GSDMC: variants seen among roughly 807,000 people sequenced by gnomAD.
The protein encoded by GSDMC is gasdermin-C.
Under a neutral mutation model 58.0 loss-of-function variants are expected in GSDMC, and 59 were observed. The ratio of observed to expected loss-of-function variants is 1.02; its 90% CI spans 0.82 to 1.26. The LOEUF (loss-of-function observed/expected upper bound fraction) is 1.26, where lower values mean the gene tolerates loss of function less well. GSDMC is among the 50% of genes most tolerant of loss of function. GSDMC has a pLI of 0.00. For synonymous variants in GSDMC, 241 were observed against 220.2 expected (o/e 1.09, Z -0.83); for missense variants, 659 against 598.5 (o/e 1.10, Z -1.06).
At chr8:129,783,222 G>T (rs2034466079) in intron 1 of GSDMC, among the ~76,000 whole-genome samples, 1 of 151,730 alleles carries the variant, frequency 6.6e-6, no homozygotes, top group Non-Finnish European at 1.5e-5. Flanking sequence ...ATAATAAAAA[G>T]CCATATATTA....
the GSDMC span, among the ~76,000 whole-genome samples, chr8:129,715,858 G>T: frequency 6.6e-6 from 1 of 152,210 alleles, no homozygotes; most frequent in East Asian, 1.9e-4. Flanking sequence ...ATGTAGTACA[G>T]GTTTTATAAT....
chr8:129,741,466 T>A, the GSDMC span, among the ~76,000 whole-genome samples: 20 of 152,312 alleles, frequency 1.3e-4, no homozygotes, highest in Non-Finnish European at 8.8e-5. Flanking sequence ...GTTCTTCCAG[T>A]CCATGAACAT....
At chr8:129,730,677 C>T in the GSDMC span, among the ~76,000 whole-genome samples, 1 of 152,082 alleles carries the variant, frequency 6.6e-6, no homozygotes, top group Admixed American at 6.5e-5. Context: ...CCCAATAAAC[C>T]CATCATAAGT....
In GSDMC at chr8:129,751,803, C is replaced by T. The variant is rs901864623; in HGVS notation, c.916+59G>A. The T allele has an allele frequency of 4.6e-6, 7 of 1,532,218 alleles. No individual in the cohort carries two copies. In the Admixed American group the frequency reaches 8.4e-5, roughly 18 times the overall value. 94.9% of individuals were successfully genotyped at this position (1,532,218 alleles called of 1,614,324 possible). ...GGCGAGGCAGGGGCAATCTGCCCTA[C>T]TTACCCCATGTGTGCAGGATGGGAT... On this transcript the variant is annotated intron_variant, in intron 9 of 13. Coordinates refer to ENST00000276708, the MANE Select transcript of GSDMC (RefSeq NM_031415.3).
At chr8:129,730,824 C>T in the GSDMC span, among the ~76,000 whole-genome samples, 2 of 152,108 alleles carry the variant, frequency 1.3e-5, no homozygotes, top group African/African-American at 4.8e-5. Context: ...TGAAATGGGG[C>T]TACAGGCCGA....
downstream of GSDMC, among the ~76,000 whole-genome samples, chr8:129,744,970 A>G (rs1034580387): frequency 2.6e-5 from 4 of 152,330 alleles, no homozygotes; most frequent in Middle Eastern, 3.4e-3. Context: ...AGACCTAGAG[A>G]GGTCCACTGT....
intron 1 of GSDMC, among the ~76,000 whole-genome samples, chr8:129,782,650 T>C (rs1364689021): frequency 6.6e-6 from 1 of 152,034 alleles, no homozygotes; most frequent in Non-Finnish European, 1.5e-5. Context: ...CCTACCAAGA[T>C]TGAACCTTGA....
Position 129,777,691 on chromosome 8 carries a change from T to C in GSDMC, c.-4-100A>G, listed in dbSNP as rs1017838934. The C allele has an allele frequency of 4.2e-6, 3 of 709,214 alleles. No individual in the cohort carries two copies. In the African/African-American group the frequency reaches 5.3e-5, roughly 12 times the overall value. The allele number at this position is 709,214 out of a possible 1,614,324, so 43.9% of individuals were successfully genotyped here. On this transcript the variant is annotated intron_variant, in intron 1 of 13. Transcript: ENST00000276708. ...TCCCCTAAAGGAAAAGATCTACATA[T>C]GAGATTAGCAGGTCTTTACTTAAAA...
the GSDMC span, among the ~76,000 whole-genome samples, chr8:129,738,482 AGG>A: frequency 6.6e-6 from 1 of 152,232 alleles, no homozygotes; most frequent in African/African-American, 2.4e-5. Context: ...GCCATAAAAA[AGG>A]TTGAGTTCAT....
At chr8:129,747,476 C>T (rs1194781315), downstream of GSDMC, among the ~76,000 whole-genome samples, 3 of 152,048 alleles carry the variant, frequency 2.0e-5, no homozygotes, top group Non-Finnish European at 4.4e-5. Context: ...TACTGGAATA[C>T]ACTAGAGTGA....
intron 11 of GSDMC, 66 bp from the exon 12 acceptor site, chr8:129,750,185 T>C (rs755373544): frequency 1.6e-5 from 21 of 1,294,826 alleles, no homozygotes; most frequent in Non-Finnish European, 2.0e-5. Context: ...AATTTGCCTG[T>C]GTCTACTGGT....
rs755121854 is a variant in GSDMC, at chr8:129,765,634, A to G, written c.564T>C (p.Tyr188=). Residue 188 remains tyrosine (Y), a synonymous_variant, in exon 4 of 14, where the codon TAT becomes TAC. Transcript: ENST00000276708. The stretch of plus-strand genomic sequence containing the variant: ...CTTCAGGACAACTTTATACCTTGCC[A>G]TAGGTAATCCAAAGAGCAATTTTCC... ...ILGKIALWIT[Y]GKGQGQGESL... 3 of 1,612,244 alleles carry G rather than the reference A, an allele frequency of 1.9e-6. No individual in the cohort carries two copies. The South Asian group carries it at 3.3e-5, about 18-fold the overall frequency.
At chr8:129,755,903 C>T (rs1299591323) in intron 6 of GSDMC, among the ~76,000 whole-genome samples, 1 of 148,032 alleles carries the variant, frequency 6.8e-6, no homozygotes, top group Non-Finnish European at 1.5e-5. Context: ...AAAAAAAACA[C>T]CATCAGAGAA....
intron 1 of GSDMC, among the ~76,000 whole-genome samples, chr8:129,783,788 A>G (rs1204418255): frequency 6.6e-6 from 1 of 152,204 alleles, no homozygotes; most frequent in Non-Finnish European, 1.5e-5. Context: ...AACAAAATCT[A>G]TCCTGAGCAA....
the GSDMC span, among the ~76,000 whole-genome samples, chr8:129,719,988 A>T: frequency 6.6e-6 from 1 of 152,174 alleles, no homozygotes; most frequent in Non-Finnish European, 1.5e-5. Flanking sequence ...TAACTACTCC[A>T]ATAACAAGTG....
At chr8:129,730,104 A>G in the GSDMC span, 1 of 982,620 alleles carries the variant, frequency 1.0e-6, no homozygotes, top group East Asian at 2.6e-5. Context: ...TTGTAACACT[A>G]TTCAGGTGTT....
At chr8:129,743,375 G>A (rs1324848479), downstream of GSDMC, among the ~76,000 whole-genome samples, 5 of 152,030 alleles carry the variant, frequency 3.3e-5, no homozygotes, top group African/African-American at 1.2e-4. Context: ...CCTGTACAGT[G>A]TATTTTTATT....
chr8:129,717,684 T>A, the GSDMC span, among the ~76,000 whole-genome samples: 1 of 152,084 alleles, frequency 6.6e-6, no homozygotes, highest in South Asian at 2.1e-4. Flanking sequence ...AAATTTCATA[T>A]GGAACCAAAA....
chr8:129,727,131 G>T, the GSDMC span, among the ~76,000 whole-genome samples: 10 of 152,190 alleles, frequency 6.6e-5, no homozygotes, highest in East Asian at 1.5e-3. Context: ...TGGAAATAGA[G>T]CCCTTGCAGA....
Sources: gnomAD v4.1 joint callset for allele counts (sites outside exome capture counted in the v4.1 genomes callset) on GRCh38, gnomAD v4.1.1 for gene constraint, MANE v1.5 for transcripts, NCBI Gene and HGNC (gene_info 2026-07-23, HGNC 2026-07-21) for gene names.